The following GPC5 variants were observed in gnomAD, a reference collection of about 807,000 sequenced individuals.
GPC5 encodes glypican-5.
GPC5 carries 47 observed loss-of-function variants against 53.9 expected under a neutral mutation model. The ratio of observed to expected loss-of-function variants is 0.87; its 90% CI spans 0.69 to 1.11. GPC5 has a LOEUF of 1.11. GPC5 is among the 50% of genes most tolerant of loss of function. The probability of loss-of-function intolerance (pLI) is 0.00; values close to 1 mark genes in which losing one functional copy is unlikely to be tolerated. For missense variants in GPC5, 748 were observed against 713.1 expected, an observed-to-expected ratio of 1.05 and a Z score of -0.56; for synonymous variants, 286 against 263.3, an observed-to-expected ratio of 1.09 and a Z score of -0.84.
chr13:92,118,173 A>G (rs1021176767), intron 6 of GPC5, among the ~76,000 whole-genome samples: 6 of 152,088 alleles, frequency 3.9e-5, no homozygotes, highest in African/African-American at 1.4e-4. Context: ...TAAAGAATAG[A>G]TGTTGAATTT....
chr13:91,515,315 A>G (rs1240360883), intron 2 of GPC5, among the ~76,000 whole-genome samples: 1 of 152,228 alleles, frequency 6.6e-6, no homozygotes, highest in Non-Finnish European at 1.5e-5. Context: ...GTATTAGGAA[A>G]CTTCAAAAAA....
chr13:91,977,519 A>G (rs1455551037), intron 6 of GPC5, among the ~76,000 whole-genome samples: 2 of 152,364 alleles, frequency 1.3e-5, no homozygotes, highest in East Asian at 3.9e-4. Context: ...CAACAGTAAC[A>G]GAATACACCA....
intron 7 of GPC5, among the ~76,000 whole-genome samples, chr13:92,378,470 T>G (rs908430540): frequency 1.3e-5 from 2 of 152,170 alleles, no homozygotes; most frequent in Admixed American, 6.5e-5. Context: ...TTTCCAGGCT[T>G]TAGCCCAACT....
chr13:92,073,145 G>A (rs1400747727), intron 6 of GPC5, among the ~76,000 whole-genome samples: 3 of 152,112 alleles, frequency 2.0e-5, no homozygotes, highest in Non-Finnish European at 4.4e-5. Context: ...TAAAAAAGGG[G>A]AAATTTCCTA....
At chr13:92,791,637 ATG>A (rs1566420309) in intron 7 of GPC5, among the ~76,000 whole-genome samples, 2 of 152,100 alleles carry the variant, frequency 1.3e-5, no homozygotes, top group Non-Finnish European at 2.9e-5. Context: ...GAAAAAAAAA[ATG>A]TTAGTCTAAT....
At chr13:92,306,358 T>G (rs2043110741) in intron 7 of GPC5, among the ~76,000 whole-genome samples, 1 of 152,132 alleles carries the variant, frequency 6.6e-6, no homozygotes, top group Admixed American at 6.5e-5. Context: ...TTGAGATGTT[T>G]AACAGGCTAA....
At chr13:92,086,141 G>A (rs1166155607) in intron 6 of GPC5, among the ~76,000 whole-genome samples, 1 of 152,234 alleles carries the variant, frequency 6.6e-6, no homozygotes, top group South Asian at 2.1e-4. Flanking sequence ...ACAAGGGTCA[G>A]ATGTTGCTGG....
At chr13:92,678,963 C>T (rs868444499) in intron 7 of GPC5, among the ~76,000 whole-genome samples, 1 of 151,912 alleles carries the variant, frequency 6.6e-6, no homozygotes, top group South Asian at 2.1e-4. Flanking sequence ...AGAGCCTGAG[C>T]CAAACGTCCC....
At chr13:91,662,715 C>T (rs896178119) in intron 2 of GPC5, among the ~76,000 whole-genome samples, 4 of 152,098 alleles carry the variant, frequency 2.6e-5, no homozygotes, top group African/African-American at 9.7e-5. Flanking sequence ...GGACTATTAC[C>T]CTAGTATCTT....
chr13:92,063,417 A>G (rs1393443665), intron 6 of GPC5, among the ~76,000 whole-genome samples: 2 of 152,160 alleles, frequency 1.3e-5, no homozygotes, highest in African/African-American at 4.8e-5. Context: ...TGATTGTCCA[A>G]ATCAAAATCA....
intron 5 of GPC5, among the ~76,000 whole-genome samples, chr13:91,882,511 T>TATAA (rs1048499711): frequency 4.0e-5 from 6 of 151,838 alleles, no homozygotes; most frequent in African/African-American, 1.5e-4. Flanking sequence ...TCAATGATGT[T>TATAA]ATAAATAGTC....
At chr13:91,481,003 C>T (rs879347680) in intron 2 of GPC5, among the ~76,000 whole-genome samples, 11 of 150,974 alleles carry the variant, frequency 7.3e-5, no homozygotes, top group East Asian at 5.9e-4. Context: ...CCCCAAGTTT[C>T]GGGGTTGCTG....
chr13:92,648,012 A>C (rs1050525726), intron 7 of GPC5, among the ~76,000 whole-genome samples: 1 of 151,658 alleles, frequency 6.6e-6, no homozygotes, highest in African/African-American at 2.4e-5. Flanking sequence ...TATTGATTGC[A>C]TATAACATGA....
intron 7 of GPC5, among the ~76,000 whole-genome samples, chr13:92,278,029 T>G (rs1272031533): frequency 6.6e-6 from 1 of 151,908 alleles, no homozygotes; most frequent in Non-Finnish European, 1.5e-5. Context: ...TCTGGAATTT[T>G]AGGCTATTAC....
At chr13:92,605,086 A>G (rs9589601) in intron 7 of GPC5, among the ~76,000 whole-genome samples, 58,376 of 152,126 alleles carry the variant, frequency 0.38, 13,811 homozygotes, top group African/African-American at 0.67. Context: ...TCTTGATTAG[A>G]GAATTGTTAA....
chr13:91,784,182 A>G (rs796549310), intron 5 of GPC5, among the ~76,000 whole-genome samples: 8 of 152,336 alleles, frequency 5.3e-5, no homozygotes, highest in African/African-American at 1.9e-4. Context: ...TATAAAATGG[A>G]CAATCCTGAT....
chr13:92,260,965 A>T (rs1430795414), intron 7 of GPC5, among the ~76,000 whole-genome samples: 1 of 152,290 alleles, frequency 6.6e-6, no homozygotes, highest in East Asian at 1.9e-4. Flanking sequence ...CAGTTGTTAT[A>T]GTAGTTGAAA....
At chr13:91,671,504 A>G (rs543777539) in intron 2 of GPC5, among the ~76,000 whole-genome samples, 2 of 152,184 alleles carry the variant, frequency 1.3e-5, no homozygotes, top group East Asian at 3.9e-4. Flanking sequence ...CTAAATACCT[A>G]GGAATATAGA....
At chr13:92,857,106 T>C (rs538408444) in intron 7 of GPC5, among the ~76,000 whole-genome samples, 1 of 152,188 alleles carries the variant, frequency 6.6e-6, no homozygotes, top group South Asian at 2.1e-4. Context: ...AACAGCATGG[T>C]ACCGGTACAA....
Sources: gnomAD v4.1 joint callset for allele counts (sites outside exome capture counted in the v4.1 genomes callset) on GRCh38, gnomAD v4.1.1 for gene constraint, MANE v1.5 for transcripts, NCBI Gene and HGNC (gene_info 2026-07-23, HGNC 2026-07-21) for gene names.